TET3: variants seen among roughly 807,000 people sequenced by gnomAD.
TET3 encodes the protein tet methylcytosine dioxygenase 3, also known as methylcytosine dioxygenase TET3.
Under a neutral mutation model 141.4 loss-of-function variants are expected in TET3, and 19 were observed. That is an observed-to-expected ratio of 0.13 (90% CI 0.09 to 0.20). The LOEUF is 0.20. Ranked by LOEUF, TET3 falls within the 10% of genes least tolerant of loss-of-function variation. The pLI, the probability that TET3 is intolerant of heterozygous loss-of-function variation, is 1.00. For synonymous variants in TET3, 1,043 were observed against 980.9 expected (o/e 1.06, Z -1.18); for missense variants, 1,874 against 2,356.9 (o/e 0.80, Z 4.24).
chr2:74,016,772 G>GT (rs1325174233), intron 3 of TET3, among the ~76,000 whole-genome samples: 1 of 143,408 alleles, frequency 7.0e-6, no homozygotes, highest in East Asian at 2.0e-4. Flanking sequence ...CAATAAAAAT[G>GT]TATAGGTTCT....
At position 74,102,007 on chromosome 2, in the gene TET3, A is replaced by G. The variant is rs1283867533; in HGVS notation, c.5219A>G (p.Tyr1740Cys). 3 of 1,590,122 alleles carry G rather than the reference A, an allele frequency of 1.9e-6. No homozygotes were observed. Among genetic ancestry groups the G allele is most frequent in the Non-Finnish European group, 2.6e-6 (3 of 1,165,954 alleles). The change falls in exon 12 of 12, where the codon TAC becomes TGC. Residue 1740 changes from tyrosine to cysteine, a missense_variant. By Grantham distance (194) the Tyr-to-Cys change is radical. This residue lies in a region of TET3 where 113 missense variants were observed against 114.3 expected (regional missense o/e 0.99). Transcript: ENST00000409262. ...CTGGGCCAGCAGGAGGCCAAGCTCT[A>G]CGGGAAGAAGCGCAAGTGGGGGGGC... is the stretch of plus-strand genomic sequence containing the variant. ...LGLGQQEAKL[Y>C]GKKRKWGGTV...
intron 3 of TET3, among the ~76,000 whole-genome samples, chr2:74,042,856 T>G (rs1290504864): frequency 6.6e-6 from 1 of 152,204 alleles, no homozygotes; most frequent in Admixed American, 6.5e-5. Context: ...AATGGGAATT[T>G]AGAGTTTCTT....
In TET3 at chr2:74,085,567, G is replaced by A. The variant is rs149643479; in HGVS notation, c.2680-2263G>A. On this transcript the variant is annotated intron_variant, in intron 6 of 11. Coordinates refer to ENST00000409262, the MANE Select transcript of TET3 (RefSeq NM_001287491.2). ...CTTTTTGGCACCAGGGACTGGTTTCGTGGAAGACCATTCAGGCATTAGATT... is the reference window on the plus strand; with the variant it reads ...CTTTTTGGCACCAGGGACTGGTTTCATGGAAGACCATTCAGGCATTAGATT... Among the ~76,000 whole-genome samples, 72 of 152,336 alleles carry A rather than the reference G, an allele frequency of 4.7e-4. No individual in the cohort carries two copies. In the East Asian group the frequency reaches 7.3e-3, roughly 16 times the overall value.
intron 3 of TET3, among the ~76,000 whole-genome samples, chr2:74,027,039 C>T (rs1394111167): frequency 6.6e-6 from 1 of 152,228 alleles, no homozygotes; most frequent in African/African-American, 2.4e-5. Context: ...ATAAGACCCT[C>T]CTGTTTTCAC....
At chr2:74,064,349 T>C (rs1289904970) in intron 4 of TET3, among the ~76,000 whole-genome samples, 3 of 152,236 alleles carry the variant, frequency 2.0e-5, no homozygotes, top group African/African-American at 7.2e-5. Flanking sequence ...TGATTCAGTA[T>C]TGAAACAAAG....
rs1366935592 is a variant in TET3 at position 74,099,615 on chromosome 2, G to A, written c.3604+3G>A. The A allele has an allele frequency of 6.4e-7, 1 of 1,558,094 alleles. No homozygotes were observed. Among genetic ancestry groups the A allele is most frequent in the Admixed American group, 1.9e-5 (1 of 52,966 alleles). ...GGCGGGCATTACGTCGGACCCAGGT[G>A]TGTGGGGGGAGGGTGCCCGCTTGGA... On this transcript the variant is annotated splice_donor_region_variant and intron_variant, in intron 11 of 11. Coordinates refer to ENST00000409262, the MANE Select transcript of TET3 (RefSeq NM_001287491.2).
intron 8 of TET3, among the ~76,000 whole-genome samples, chr2:74,090,868 C>CGG (rs1259555608): frequency 1.3e-5 from 2 of 152,216 alleles, no homozygotes; most frequent in African/African-American, 2.4e-5. Flanking sequence ...GGCTCCTGAG[C>CGG]GGGTGGAGTG....
intron 4 of TET3, among the ~76,000 whole-genome samples, chr2:74,064,227 T>C (rs929687187): frequency 1.3e-5 from 2 of 152,180 alleles, no homozygotes; most frequent in Non-Finnish European, 2.9e-5. Flanking sequence ...TATACACGCA[T>C]GAATTTGGTC....
chr2:74,032,971 G>C (rs969614691), intron 3 of TET3, among the ~76,000 whole-genome samples: 2 of 152,140 alleles, frequency 1.3e-5, no homozygotes, highest in African/African-American at 4.8e-5. Flanking sequence ...CTTCCAGTGC[G>C]TCTCATCTCT....
intron 6 of TET3, among the ~76,000 whole-genome samples, chr2:74,085,397 C>T (rs568530790): frequency 1.8e-4 from 27 of 152,320 alleles, no homozygotes; most frequent in African/African-American, 6.3e-4. Context: ...ATTTGTATTG[C>T]CTGCCTGGCT....
chr2:74,017,105 G>A (rs1685768639), intron 3 of TET3, among the ~76,000 whole-genome samples: 1 of 152,066 alleles, frequency 6.6e-6, no homozygotes, highest in South Asian at 2.1e-4. Context: ...ATGCAACAAA[G>A]TGAGACCCCT....
intron 2 of TET3, chr2:74,002,788 G>A (rs1443378873): frequency 5.3e-6 from 3 of 569,184 alleles, no homozygotes; most frequent in South Asian, 2.2e-5. Context: ...ATGCACCAGA[G>A]GAGGCCGGCC....
At chr2:74,095,238 C>T (rs1242019100) in intron 10 of TET3, among the ~76,000 whole-genome samples, 1 of 152,180 alleles carries the variant, frequency 6.6e-6, no homozygotes, top group Non-Finnish European at 1.5e-5. Flanking sequence ...TCTATCACTG[C>T]ATCCAAGACT....
intron 11 of TET3, 140 bp from the exon 12 acceptor site, chr2:74,100,253 C>G: frequency 1.1e-6 from 1 of 905,024 alleles, no homozygotes; most frequent in Non-Finnish European, 1.7e-6. Context: ...GCTGGACATG[C>G]CTCAGCACCT....
chr2:74,097,375 G>C (rs920300641), intron 10 of TET3, among the ~76,000 whole-genome samples: 5 of 152,122 alleles, frequency 3.3e-5, no homozygotes, highest in Admixed American at 2.6e-4. Context: ...AAAATGACAA[G>C]TCGTATATAG....
intron 10 of TET3, among the ~76,000 whole-genome samples, chr2:74,095,170 G>T (rs1472437873): frequency 6.6e-6 from 1 of 152,190 alleles, no homozygotes; most frequent in East Asian, 1.9e-4. Flanking sequence ...TCCGAGTGTA[G>T]CTTATGCCCC....
the TET3 span, chr2:74,121,111 CAT>C: frequency 3.9e-5 from 6 of 151,964 alleles, no homozygotes; most frequent in Non-Finnish European, 7.4e-5. Flanking sequence ...GAGAAAATGC[CAT>C]ATGTTTTAAA....
intron 3 of TET3, among the ~76,000 whole-genome samples, chr2:74,024,080 C>T (rs746934796): frequency 1.4e-4 from 21 of 152,160 alleles, no homozygotes. Context: ...AGATACTGTT[C>T]TCACTGATAT....
intron 4 of TET3, among the ~76,000 whole-genome samples, chr2:74,053,314 C>T (rs1386093863): frequency 1.3e-5 from 2 of 152,214 alleles, no homozygotes; most frequent in Non-Finnish European, 2.9e-5. Flanking sequence ...TTGTTCCCTT[C>T]GCCTTTGTGT....
Sources: allele counts gnomAD v4.1 joint callset (sites outside exome capture counted in the v4.1 genomes callset), GRCh38; gene constraint gnomAD v4.1.1; regional missense constraint gnomAD v4.1.1; transcripts MANE v1.5; gene names NCBI Gene and HGNC (gene_info 2026-07-23, HGNC 2026-07-21).